The following WWP1 variants were observed in gnomAD, a reference collection of about 807,000 sequenced individuals.
The protein encoded by WWP1 is WW domain containing E3 ubiquitin protein ligase 1.
Under a neutral mutation model 130.6 loss-of-function variants are expected in WWP1, and 49 were observed. That is an observed-to-expected ratio of 0.38 (90% CI 0.30 to 0.48). The LOEUF (loss-of-function observed/expected upper bound fraction) is 0.48. Ranked by LOEUF, WWP1 falls within the 20% of genes least tolerant of loss-of-function variation. The pLI is 0.99. For missense variants in WWP1, 809 were observed against 1,100.6 expected (o/e 0.74, Z 3.75); for synonymous variants, 332 against 367.8 (o/e 0.90, Z 1.11).
At chr8:86,417,120 G>A (rs1235736329) in intron 9 of WWP1, 1 of 152,314 alleles carries the variant, frequency 6.6e-6, no homozygotes, top group Non-Finnish European at 1.5e-5. Flanking sequence ...GGAGTCCCTG[G>A]GGCAGACAGT....
At chr8:86,431,526 A>C (rs574794232) in intron 13 of WWP1, 36 bp downstream of exon 13, 4 of 1,611,336 alleles carry the variant, frequency 2.5e-6, no homozygotes, top group Non-Finnish European at 3.4e-6. Context: ...CGTCTTGCAT[A>C]TATCAGTAGG....
At chr8:86,430,857 CTCCCTTATATATG>C (rs1488142276) in intron 12 of WWP1, 106 bp downstream of exon 12, 18 of 354,354 alleles carry the variant, frequency 5.1e-5, no homozygotes, top group Admixed American at 2.0e-4. Flanking sequence ...ATATATATAT[CTCCCTTATATATG>C]TCCCTTAACA....
At chr8:86,420,381 A>G (rs2130615215) in intron 9 of WWP1, among the ~76,000 whole-genome samples, 1 of 152,296 alleles carries the variant, frequency 6.6e-6, no homozygotes, top group Admixed American at 6.5e-5. Context: ...AGCTAATAGT[A>G]TTTTTTAAAA....
In WWP1 at chr8:86,467,826, AAG is replaced by A. The variant is rs1233384582; in HGVS notation, c.*936_*937del. The A allele has an allele frequency of 3.3e-5, 5 of 152,194 alleles. No homozygotes were observed. Among genetic ancestry groups the A allele is most frequent in the Admixed American group, 1.3e-4 (2 of 15,282 alleles). The allele number at this position is 152,194 out of a possible 1,614,324, so 9.4% of individuals were successfully genotyped here. A position where few individuals can be genotyped will look rare whatever the true frequency, so the allele number is the denominator to read the frequency against. ...GGTTTTTATGAAGCCAGATGGATTG[AAG>A]AGTTACATAAGCATTTGAATGCTCT... On this transcript the variant is annotated 3_prime_UTR_variant, in exon 25 of 25. Coordinates refer to ENST00000517970, the MANE Select transcript of WWP1 (RefSeq NM_007013.4).
intron 20 of WWP1, among the ~76,000 whole-genome samples, chr8:86,451,215 A>T (rs997219252): frequency 5.3e-4 from 7 of 13,290 alleles, no homozygotes; most frequent in Admixed American, 2.4e-3. Flanking sequence ...CTATGTTATT[A>T]AAAAAAAAAA....
intron 5 of WWP1, among the ~76,000 whole-genome samples, chr8:86,385,720 C>G (rs980188987): frequency 2.6e-5 from 4 of 152,060 alleles, no homozygotes; most frequent in African/African-American, 7.2e-5. Flanking sequence ...GAATTAATGA[C>G]CAACTTGAAA....
chr8:86,461,869 C>T (rs370222426), intron 24 of WWP1, 23 bp downstream of exon 24: 42 of 1,576,684 alleles, frequency 2.7e-5, no homozygotes, highest in Admixed American at 1.4e-4. Flanking sequence ...ATCCTAAATA[C>T]GAAGGTGAAA....
At chr8:86,424,824 G>C (rs1023563518) in intron 9 of WWP1, among the ~76,000 whole-genome samples, 1 of 113,586 alleles carries the variant, frequency 8.8e-6, no homozygotes, top group African/African-American at 3.5e-5. Context: ...ACTGTGGGGA[G>C]AGGGAGAGGG....
intron 2 of WWP1, among the ~76,000 whole-genome samples, chr8:86,369,376 C>T (rs1251360284): frequency 6.6e-6 from 1 of 151,990 alleles, no homozygotes; most frequent in Non-Finnish European, 1.5e-5. Flanking sequence ...CATTTTTTAA[C>T]TATCTCTCAT....
chr8:86,461,794 T>TGCA lies in WWP1; in HGVS notation c.2617_2618insGCA (p.Phe873delinsCysIle), dbSNP rs1266694352. The TGCA allele has an allele frequency of 6.2e-7, 1 of 1,614,060 alleles. No individual in the cohort carries two copies. The highest frequency in any genetic ancestry group is 2.2e-5 in the East Asian group (1 of 44,860). ...TGTAGGAAGTAATGGGCCTCAAAAGTTTTGCATTGAAAAAGTTGGCAAAGA... is the reference window on the plus strand; with the variant it reads ...TGTAGGAAGTAATGGGCCTCAAAAGTGCATTTGCATTGAAAAAGTTGGCAAAGA... On this transcript the variant is annotated protein_altering_variant, in exon 24 of 25. Transcript: ENST00000517970.
chr8:86,372,530 T>G (rs1824381882), intron 2 of WWP1, among the ~76,000 whole-genome samples: 1 of 152,254 alleles, frequency 6.6e-6, no homozygotes, highest in Non-Finnish European at 1.5e-5. Context: ...AATAGTTTTC[T>G]GCTGTAATTT....
At position 86,390,422 on chromosome 8, in the gene WWP1, C is replaced by T. The variant is rs771266665; in HGVS notation, c.335-7920C>T. On this transcript the variant is annotated intron_variant, in intron 5 of 24. Transcript: ENST00000517970. ...TGGGCAAGATTGAGCACTGAGTGAG[C>T]GAGACTCCGTCTGCAATCCCGGCAC... Among the ~76,000 whole-genome samples the T allele has an allele frequency of 5.6e-4, 85 of 152,138 alleles. 1 individual carries two copies. Among genetic ancestry groups the T allele is most frequent in the Non-Finnish European group, 1.0e-3 (70 of 68,014 alleles).
rs190538592 is a variant in WWP1 at position 86,393,599 on chromosome 8, T to C, written c.335-4743T>C. On this transcript the variant is annotated intron_variant, in intron 5 of 24. Coordinates refer to ENST00000517970, the MANE Select transcript of WWP1 (RefSeq NM_007013.4). ...GGAAGTAGGAGCTTAACTTTGTGAGTTGTTGAACATTGACTCATAGCATGA... is the reference window on the plus strand; with the variant it reads ...GGAAGTAGGAGCTTAACTTTGTGAGCTGTTGAACATTGACTCATAGCATGA... 2.0e-3 allele frequency among the ~76,000 whole-genome samples: 303 copies of C among 152,312 alleles called. 1 individual carries two copies. The highest frequency in any genetic ancestry group is 3.7e-3 in the East Asian group (19 of 5,190).
chr8:86,401,676 T>A (rs146421627), intron 7 of WWP1, among the ~76,000 whole-genome samples: 1 of 152,306 alleles, frequency 6.6e-6, no homozygotes, highest in African/African-American at 2.4e-5. Flanking sequence ...GCTTAAATAT[T>A]TAAAATGTAC....
intron 18 of WWP1, among the ~76,000 whole-genome samples, chr8:86,444,703 C>T (rs1174547977): frequency 6.6e-6 from 1 of 152,018 alleles, no homozygotes; most frequent in Non-Finnish European, 1.5e-5. Context: ...GAAAGTTATT[C>T]ATGAGTGGTA....
chr8:86,350,176 C>T (rs550613465), intron 1 of WWP1, among the ~76,000 whole-genome samples: 1 of 152,260 alleles, frequency 6.6e-6, no homozygotes, highest in African/African-American at 2.4e-5. Flanking sequence ...TTTCCAAGAA[C>T]AGGTAGATTC....
At chr8:86,372,017 A>ATTTTTTTTTTT (rs34458424) in intron 2 of WWP1, among the ~76,000 whole-genome samples, 31 of 70,208 alleles carry the variant, frequency 4.4e-4, no homozygotes, top group African/African-American at 1.0e-3. Flanking sequence ...TAATTTTTGT[A>ATTTTTTTTTTT]TTTTTTTTTT....
intron 2 of WWP1, among the ~76,000 whole-genome samples, chr8:86,373,755 T>A (rs1824465411): frequency 6.6e-6 from 1 of 152,196 alleles, no homozygotes; most frequent in Non-Finnish European, 1.5e-5. Flanking sequence ...ATCTCACTCC[T>A]TCCCCTTGTA....
intron 22 of WWP1, among the ~76,000 whole-genome samples, chr8:86,460,999 CAG>C (rs1193927087): frequency 6.6e-6 from 1 of 151,578 alleles, no homozygotes; most frequent in Admixed American, 6.6e-5. Flanking sequence ...TTAGTAGAGA[CAG>C]GGTTTCACCA....
Sources: gnomAD v4.1 joint callset for allele counts (sites outside exome capture counted in the v4.1 genomes callset) on GRCh38, gnomAD v4.1.1 for gene constraint, MANE v1.5 for transcripts, NCBI Gene and HGNC (gene_info 2026-07-23, HGNC 2026-07-21) for gene names.